Variants in AATF observed in about 807,000 individuals in gnomAD.
The protein encoded by AATF is apoptosis antagonizing transcription factor.
In AATF, 48 loss-of-function variants were observed where a neutral mutation model predicts 63.7. That is an observed-to-expected ratio of 0.75 (90% confidence interval 0.60 to 0.96). The LOEUF is 0.96. AATF is among the 40% of genes least tolerant of loss of function. The pLI, the probability that AATF is intolerant of heterozygous loss-of-function variation, is 0.00. For synonymous variants in AATF, 258 were observed against 247.7 expected (o/e 1.04, Z -0.39); for missense variants, 639 against 685.7 (o/e 0.93, Z 0.76).
intron 8 of AATF, among the ~76,000 whole-genome samples, chr17:37,006,728 A>C (rs955622295): frequency 1.3e-5 from 2 of 152,206 alleles, no homozygotes. Flanking sequence ...TTGACTAATA[A>C]ATTTTAACCC....
At chr17:37,006,695 G>A (rs1460848357) in intron 8 of AATF, among the ~76,000 whole-genome samples, 1 of 152,174 alleles carries the variant, frequency 6.6e-6, no homozygotes, top group Non-Finnish European at 1.5e-5. Context: ...AATATATGGG[G>A]TCTGATGAGA....
intron 8 of AATF, among the ~76,000 whole-genome samples, chr17:37,001,435 GGAAGGAAGGAAGGAAGGAAGAAA>G (rs2071295938): frequency 8.0e-6 from 1 of 124,712 alleles, no homozygotes; most frequent in African/African-American, 3.2e-5. Context: ...AAGGAAGGAA[GGAAGGAAGGAAGGAAGGAAGAAA>G]AAAAAAAAAA....
At chr17:36,985,442 ATTT>A (rs557972342) in intron 4 of AATF, among the ~76,000 whole-genome samples, 4 of 132,036 alleles carry the variant, frequency 3.0e-5, no homozygotes, top group Admixed American at 7.6e-5. Context: ...GCCTGGCTAA[ATTT>A]TTTTTTTTTT....
rs906884024 is a variant in AATF, at chr17:36,959,628, A to G, written c.832+5721A>G. On this transcript the variant is annotated intron_variant, in intron 4 of 11. Transcript: ENST00000619387. ...CTATAGCTTTAAATGAAGTGATTAA[A>G]GGAAAGCTAAACTTCAGTCATAATA... is the stretch of plus-strand genomic sequence containing the variant. Among the ~76,000 whole-genome samples the G allele has an allele frequency of 2.0e-5, 3 of 152,362 alleles. No individual in the cohort carries two copies. In the South Asian group the frequency reaches 6.2e-4, roughly 32 times the overall value.
At position 36,950,272 on chromosome 17, in the gene AATF, C is replaced by G. The variant is rs1463175028; in HGVS notation, c.150C>G (p.Phe50Leu). ...AAGGGGAAGATGGGGAAGGTGATTT[C>G]CTAGTAGTGGGTAGCATTAGAAAAC... The part of the protein sequence containing the change: ...FDEGEDGEGD[F>L]LVVGSIRKLA... Residue 50 changes from phenylalanine (F) to leucine (L), a missense_variant, in exon 2 of 12, where the codon TTC becomes TTG. By Grantham distance (22) the Phe-to-Leu change is conservative. Coordinates refer to ENST00000619387, the MANE Select transcript of AATF (RefSeq NM_012138.4). The G allele has an allele frequency of 1.2e-6, 2 of 1,614,136 alleles. No homozygotes were observed. Among genetic ancestry groups the G allele is most frequent in the Non-Finnish European group, 8.5e-7 (1 of 1,180,028 alleles).
chr17:36,978,670 A>C (rs2071097354), intron 4 of AATF, among the ~76,000 whole-genome samples: 1 of 152,030 alleles, frequency 6.6e-6, no homozygotes, highest in African/African-American at 2.4e-5. Flanking sequence ...ATATACACAT[A>C]TACCTGTATA....
chr17:37,056,543 T>G, intron 11 of AATF, 58 bp from the exon 12 acceptor site: 1 of 1,574,462 alleles, frequency 6.4e-7, no homozygotes, highest in Non-Finnish European at 8.7e-7. Flanking sequence ...TCTGCGTTCC[T>G]TTTTAACCTT....
intron 4 of AATF, among the ~76,000 whole-genome samples, chr17:36,955,368 C>T (rs2070890878): frequency 6.6e-6 from 1 of 152,234 alleles, no homozygotes; most frequent in African/African-American, 2.4e-5. Context: ...AAGTCTGCTT[C>T]TTCCCCTGTG....
intron 8 of AATF, among the ~76,000 whole-genome samples, chr17:37,017,950 A>G (rs1009997541): frequency 6.6e-6 from 1 of 152,240 alleles, no homozygotes; most frequent in African/African-American, 2.4e-5. Context: ...CTCTATTGCC[A>G]CCATGCCTCA....
chr17:36,990,756 T>C lies in AATF; in HGVS notation c.1315-18T>C, dbSNP rs773339710. ...GCCTTGTTGGGATTCACTCTTTTCT[T>C]ACTCATTGTTAACATAGGAGATCCT... On this transcript the variant is annotated intron_variant, in intron 7 of 11. Transcript: ENST00000619387. 2 of 1,527,348 alleles carry C rather than the reference T, an allele frequency of 1.3e-6. No homozygotes were observed. The allele number at this position is 1,527,348 out of a possible 1,614,324, so 94.6% of individuals were successfully genotyped here.
In AATF at chr17:36,984,080, A is replaced by G. The variant is rs1411424034; in HGVS notation, c.833-2537A>G. The stretch of plus-strand genomic sequence containing the variant: ...AGTCTGCTCATGCTGGACAGGGTAG[A>G]AGCAGAAGCAGAAAAGAAAGAATAA... On this transcript the variant is annotated intron_variant, in intron 4 of 11. Coordinates refer to ENST00000619387, the MANE Select transcript of AATF (RefSeq NM_012138.4). Among the ~76,000 whole-genome samples, 8 of 152,366 alleles carry G rather than the reference A, an allele frequency of 5.3e-5. No individual in the cohort carries two copies. In the East Asian group the frequency reaches 1.3e-3, roughly 26 times the overall value.
At chr17:36,966,047 C>G (rs1313165797) in intron 4 of AATF, among the ~76,000 whole-genome samples, 1 of 151,918 alleles carries the variant, frequency 6.6e-6, no homozygotes, top group African/African-American at 2.4e-5. Context: ...TTGGGAAAAT[C>G]TTTTCTAATA....
chr17:37,054,154 C>G (rs1483498494), intron 11 of AATF, among the ~76,000 whole-genome samples: 7 of 147,204 alleles, frequency 4.8e-5, no homozygotes, highest in Admixed American at 4.7e-4. Context: ...CAAGCTGAAC[C>G]GCTGGAATCT....
chr17:37,007,359 ATTTTTTTTTTTTT>A (rs71368436), intron 8 of AATF, among the ~76,000 whole-genome samples: 1 of 112,594 alleles, frequency 8.9e-6, no homozygotes, highest in African/African-American at 3.7e-5. Context: ...GGCTAATTTA[ATTTTTTTTTTTTT>A]TTTTTTTTTT....
intron 10 of AATF, among the ~76,000 whole-genome samples, chr17:37,022,599 A>G (rs145510022): frequency 6.6e-6 from 1 of 152,284 alleles, no homozygotes; most frequent in Non-Finnish European, 1.5e-5. Context: ...AAGAGCATGG[A>G]CTTAAGACCC....
In AATF at chr17:37,021,804, C is replaced by CA. The variant is rs1246008885; in HGVS notation, c.1547+807dup. 2.7e-3 allele frequency among the ~76,000 whole-genome samples: 244 copies of CA among 91,416 alleles called. 9 individuals carry two copies. Among genetic ancestry groups the CA allele is most frequent in the East Asian group, 0.02 (69 of 3,518 alleles). The allele number at this position is 91,416 out of a possible 152,430, so 60.0% of individuals were successfully genotyped here. The stretch of plus-strand genomic sequence containing the variant: ...TGGGCGACAGAGCGAGACTCCGTCT[C>CA]AAAAAAAAAAAAAAAAATAATAATA... On this transcript the variant is annotated intron_variant, in intron 10 of 11. Transcript: ENST00000619387.
chr17:36,978,627 T>A (rs1268661121), intron 4 of AATF, among the ~76,000 whole-genome samples: 2 of 152,040 alleles, frequency 1.3e-5, no homozygotes, highest in African/African-American at 4.8e-5. Flanking sequence ...ATGGTCCTCA[T>A]AATAGCACAC....
At chr17:36,966,982 T>A (rs777816193) in intron 4 of AATF, among the ~76,000 whole-genome samples, 1 of 152,302 alleles carries the variant, frequency 6.6e-6, no homozygotes, top group Non-Finnish European at 1.5e-5. Flanking sequence ...AAACCAGTAG[T>A]CTGCTGCTTG....
intron 8 of AATF, among the ~76,000 whole-genome samples, chr17:37,013,426 TC>T (rs1303472241): frequency 6.6e-6 from 1 of 152,222 alleles, no homozygotes; most frequent in Non-Finnish European, 1.5e-5. Context: ...GGTTCACTCT[TC>T]TGCTGCTGGG....
Sources: allele counts gnomAD v4.1 joint callset (sites outside exome capture counted in the v4.1 genomes callset), GRCh38; gene constraint gnomAD v4.1.1; transcripts MANE v1.5; gene names NCBI Gene and HGNC (gene_info 2026-07-23, HGNC 2026-07-21).